Variants in RERE observed in about 807,000 individuals in gnomAD.
RERE encodes arginine-glutamic acid dipeptide repeats, also known as arginine-glutamic acid dipeptide repeats protein.
In RERE, 40 loss-of-function variants were observed where a neutral mutation model predicts 146.1. The ratio of observed to expected loss-of-function variants is 0.27; its 90% CI spans 0.21 to 0.36. The LOEUF (loss-of-function observed/expected upper bound fraction) is 0.36, where lower values mean the gene tolerates loss of function less well. Among genes scored for constraint, RERE ranks in the 10% least tolerant of loss-of-function variants. RERE has a pLI of 1.00. For missense variants in RERE, 1,933 were observed against 2,138.7 expected, an observed-to-expected ratio of 0.90 and a Z score of 1.90; for synonymous variants, 1,003 against 866.0, an observed-to-expected ratio of 1.16 and a Z score of -2.78.
intron 1 of RERE, among the ~76,000 whole-genome samples, chr1:8,736,163 G>A (rs967736231): frequency 1.3e-5 from 2 of 150,296 alleles, no homozygotes; most frequent in East Asian, 2.0e-4. Flanking sequence ...CATAATTCCT[G>A]CAATTGTTCT....
intron 6 of RERE, among the ~76,000 whole-genome samples, chr1:8,542,878 G>GT (rs1471504247): frequency 9.2e-5 from 14 of 152,310 alleles, no homozygotes; most frequent in African/African-American, 3.4e-4. Context: ...AGATTAGAAA[G>GT]TATCTATAGT....
At chr1:8,505,110 C>T (rs1376381505) in intron 8 of RERE, among the ~76,000 whole-genome samples, 1 of 152,156 alleles carries the variant, frequency 6.6e-6, no homozygotes, top group Non-Finnish European at 1.5e-5. Flanking sequence ...TTACCACATA[C>T]ACTGGGGGAC....
At chr1:8,627,817 G>A (rs1036501323) in intron 2 of RERE, among the ~76,000 whole-genome samples, 1 of 152,154 alleles carries the variant, frequency 6.6e-6, no homozygotes, top group Non-Finnish European at 1.5e-5. Context: ...ATTTCCCGCT[G>A]CAAAGTTACA....
intron 10 of RERE, among the ~76,000 whole-genome samples, chr1:8,488,960 G>A (rs1644940451): frequency 6.6e-6 from 1 of 152,160 alleles, no homozygotes; most frequent in Non-Finnish European, 1.5e-5. Context: ...AACAATCTTT[G>A]TAATCTTGGA....
intron 1 of RERE, among the ~76,000 whole-genome samples, chr1:8,725,561 G>A (rs992899704): frequency 6.6e-6 from 1 of 152,044 alleles, no homozygotes; most frequent in Non-Finnish European, 1.5e-5. Context: ...GTGAAATTTT[G>A]TCTCAAAAAA....
At chr1:8,698,924 T>C (rs978861076) in intron 1 of RERE, among the ~76,000 whole-genome samples, 12 of 152,176 alleles carry the variant, frequency 7.9e-5, no homozygotes, top group Non-Finnish European at 1.5e-4. Context: ...TTTCTTCTTT[T>C]TTGTTTTTCA....
intron 2 of RERE, among the ~76,000 whole-genome samples, chr1:8,640,012 G>A (rs1381188608): frequency 1.3e-5 from 2 of 152,110 alleles, no homozygotes; most frequent in Non-Finnish European, 2.9e-5. Flanking sequence ...GCACAGCTAG[G>A]CATGGTGATA....
intron 1 of RERE, among the ~76,000 whole-genome samples, chr1:8,662,643 G>C (rs1028414131): frequency 2.6e-5 from 4 of 152,152 alleles, no homozygotes; most frequent in African/African-American, 9.7e-5. Flanking sequence ...GCTACAATGG[G>C]CTGTGATCAC....
rs527914403 is a variant in RERE at position 8,809,729 on chromosome 1, A to C, written c.-145+7431T>G. Among the ~76,000 whole-genome samples the C allele has an allele frequency of 9.9e-5, 15 of 152,116 alleles. No homozygotes were observed. In the South Asian group the frequency reaches 3.1e-3, roughly 31 times the overall value. Reference sequence around the variant, plus strand: ...ATAAAATGTTTTTCAGAATACATCTAATTTTAAGTGTGAACACACATACTG... The same window carrying C: ...ATAAAATGTTTTTCAGAATACATCTCATTTTAAGTGTGAACACACATACTG... On this transcript the variant is annotated intron_variant, in intron 1 of 22. Transcript: ENST00000400908.
At chr1:8,598,621 C>T (rs1646583947) in intron 4 of RERE, among the ~76,000 whole-genome samples, 1 of 152,206 alleles carries the variant, frequency 6.6e-6, no homozygotes. Context: ...TACTAGAAGT[C>T]GACCATCTGG....
At chr1:8,590,167 A>C (rs984812243) in intron 4 of RERE, among the ~76,000 whole-genome samples, 3 of 152,202 alleles carry the variant, frequency 2.0e-5, no homozygotes, top group African/African-American at 7.2e-5. Flanking sequence ...AGGTAATTTC[A>C]GATGATAATC....
chr1:8,640,066 A>G (rs1369850968), intron 2 of RERE, among the ~76,000 whole-genome samples: 1 of 152,102 alleles, frequency 6.6e-6, no homozygotes, highest in Non-Finnish European at 1.5e-5. Flanking sequence ...AGTGGGGAGG[A>G]CTGCTTGAGC....
intron 4 of RERE, among the ~76,000 whole-genome samples, chr1:8,603,575 T>C (rs1557428166): frequency 2.0e-5 from 3 of 152,254 alleles, no homozygotes. Context: ...TTGAAATTAA[T>C]TTATAAACTG....
At chr1:8,419,651 A>G (rs1166735951) in intron 12 of RERE, among the ~76,000 whole-genome samples, 4 of 152,230 alleles carry the variant, frequency 2.6e-5, no homozygotes, top group African/African-American at 9.7e-5. Flanking sequence ...AAGAACAATC[A>G]TTTCCAAGTA....
rs538107313 is a variant in RERE, at chr1:8,546,451, G to A, written c.726-5133C>T. On this transcript the variant is annotated intron_variant, in intron 6 of 22. Transcript: ENST00000400908. Reference sequence around the variant, plus strand: ...ACTACAATTTTATTGCATTTTAATCGGAATGATTTTTTTTCTGTGATCTAA... The same window carrying A: ...ACTACAATTTTATTGCATTTTAATCAGAATGATTTTTTTTCTGTGATCTAA... 1.4e-4 allele frequency among the ~76,000 whole-genome samples: 22 copies of A among 151,914 alleles called. No homozygotes were observed. In the South Asian group the frequency reaches 3.5e-3, roughly 24 times the overall value.
rs1016102460 is a variant in RERE, at chr1:8,672,332, C to T, written c.-144-15891G>A. Among the ~76,000 whole-genome samples, 9 of 152,028 alleles carry T rather than the reference C, an allele frequency of 5.9e-5. No homozygotes were observed. In the South Asian group the frequency reaches 1.2e-3, roughly 21 times the overall value. On this transcript the variant is annotated intron_variant, in intron 1 of 22. Coordinates refer to ENST00000400908, the MANE Select transcript of RERE (RefSeq NM_001042681.2). ...GGGACTACAGGTACGTATCACCACA[C>T]CTGGCTAAGTTTCCTTAATTTCTGT... is the stretch of plus-strand genomic sequence containing the variant.
At chr1:8,505,190 T>C (rs1418934785) in intron 8 of RERE, among the ~76,000 whole-genome samples, 1 of 152,190 alleles carries the variant, frequency 6.6e-6, no homozygotes, top group Non-Finnish European at 1.5e-5. Flanking sequence ...ATGGCTCTCA[T>C]TTAGATTCTA....
intron 1 of RERE, among the ~76,000 whole-genome samples, chr1:8,688,822 G>C (rs991548910): frequency 1.3e-5 from 2 of 152,194 alleles, no homozygotes; most frequent in African/African-American, 4.8e-5. Context: ...GTAGGCTAAT[G>C]CAAGTGTTCT....
At chr1:8,722,960 C>T (rs1394588993) in intron 1 of RERE, among the ~76,000 whole-genome samples, 1 of 152,196 alleles carries the variant, frequency 6.6e-6, no homozygotes, top group Non-Finnish European at 1.5e-5. Context: ...AAATAAAAAG[C>T]TATTTGACAT....
Sources: allele counts gnomAD v4.1 joint callset (sites outside exome capture counted in the v4.1 genomes callset), GRCh38; gene constraint gnomAD v4.1.1; transcripts MANE v1.5; gene names NCBI Gene and HGNC (gene_info 2026-07-23, HGNC 2026-07-21).